EMC1: variants seen among roughly 807,000 people sequenced by gnomAD.
EMC1 encodes ER membrane protein complex subunit 1.
A neutral mutation model predicts 128.8 loss-of-function variants in EMC1; 103 were observed. That is an observed-to-expected ratio of 0.80 (90% CI 0.68 to 0.94). EMC1 has a LOEUF of 0.94. Among genes scored for constraint, EMC1 ranks in the 40% least tolerant of loss-of-function variants. EMC1 has a pLI of 0.00. For missense variants in EMC1, 1,083 were observed against 1,250.6 expected, an observed-to-expected ratio of 0.87 and a Z score of 2.02; for synonymous variants, 442 against 490.4, an observed-to-expected ratio of 0.90 and a Z score of 1.30.
chr1:19,242,495 G>A, intron 4 of EMC1, 22 bp from the exon 5 acceptor site: 1 of 1,613,896 alleles, frequency 6.2e-7, no homozygotes, highest in Non-Finnish European at 8.5e-7. Flanking sequence ...TACAGGTTGA[G>A]AGCAGCCCAC....
rs2093410716 is a variant in EMC1, at chr1:19,218,906, T to C, written c.*397A>G. On this transcript the variant is annotated 3_prime_UTR_variant, in exon 23 of 23. Coordinates refer to ENST00000477853, the MANE Select transcript of EMC1 (RefSeq NM_015047.3). ...AGAGATGGAAAAAGTCAGAAAGATTTCTAGATAAAATTGAGAAACACAAAA... is the reference window on the plus strand; with the variant it reads ...AGAGATGGAAAAAGTCAGAAAGATTCCTAGATAAAATTGAGAAACACAAAA... 1 of 170,018 alleles carries C rather than the reference T, an allele frequency of 5.9e-6. No individual in the cohort carries two copies. The highest frequency in any genetic ancestry group is 2.4e-5 in the African/African-American group (1 of 41,616). The allele number at this position is 170,018 out of a possible 1,614,324, so 10.5% of individuals were successfully genotyped here. A position where few individuals can be genotyped will look rare whatever the true frequency, so the allele number is the denominator to read the frequency against.
At chr1:19,250,150 G>A (rs771166527) in intron 1 of EMC1, among the ~76,000 whole-genome samples, 5 of 149,198 alleles carry the variant, frequency 3.4e-5, no homozygotes, top group Non-Finnish European at 5.9e-5. Context: ...CCCCAGAGGC[G>A]GAGGTTGTGG....
intron 9 of EMC1, 56 bp downstream of exon 9, chr1:19,239,175 C>T: frequency 2.0e-6 from 3 of 1,504,146 alleles, no homozygotes; most frequent in Non-Finnish European, 2.8e-6. Context: ...TTCAGGGTTC[C>T]TAGTGGAGAC....
intron 1 of EMC1, among the ~76,000 whole-genome samples, chr1:19,250,968 G>A (rs1188361163): frequency 1.3e-5 from 2 of 152,188 alleles, no homozygotes; most frequent in African/African-American, 2.4e-5. Context: ...GATGAGAGGG[G>A]AAAAGGACTC....
In EMC1 at chr1:19,238,071, C is replaced by T; in HGVS notation, c.1158G>A (p.Leu386=). Residue 386 remains leucine (L), a synonymous_variant, in exon 11 of 23, where the codon CTG becomes CTA. Coordinates refer to ENST00000477853, the MANE Select transcript of EMC1 (RefSeq NM_015047.3). ...GGCTAAATGTTATCGTGGTGTCCAG[C>T]AGCCGCCGACCTGTCTCCACGAGGT... ...NLYLVETGRR[L]LDTTITFSLE... is the part of the protein sequence containing the mutation. 1.2e-6 allele frequency: 2 copies of T among 1,614,120 alleles called. No individual in the cohort carries two copies. The highest frequency in any genetic ancestry group is 1.7e-6 in the Non-Finnish European group (2 of 1,180,018).
rs145741156 is a variant in EMC1, at chr1:19,223,510, G to A, written c.2262C>T (p.Arg754=). The A allele has an allele frequency of 3.5e-5, 56 of 1,614,156 alleles. No individual in the cohort carries two copies. The highest frequency in any genetic ancestry group is 3.3e-4 in the Middle Eastern group (2 of 6,060). ...CAATGAGGAAGATGCCAATAAAGGT[G>A]CGCTCATGGTGCGCGTCTGTGCTCT... is the stretch of plus-strand genomic sequence containing the variant. The part of the protein sequence containing the change: ...VTESTDAHHE[R]TFIGIFLIDG... The change falls in exon 19 of 23, where the codon CGC becomes CGT. Residue 754 remains arginine (R), a synonymous_variant. Transcript: ENST00000477853.
chr1:19,229,539 G>T (rs57420253), intron 17 of EMC1: 2 of 152,188 alleles, frequency 1.3e-5, no homozygotes, highest in African/African-American at 4.8e-5. Flanking sequence ...CCACACTCCA[G>T]TTCACTCCCC....
In EMC1 at chr1:19,242,957, G is replaced by T. The variant is rs540627771; in HGVS notation, c.381-484C>A. ...CCCTATCATTTGAACAACTTTAGGG[G>T]CCAGGCCCGGTGGCTCATGCCTGTA... is the stretch of plus-strand genomic sequence containing the variant. On this transcript the variant is annotated intron_variant, in intron 4 of 22. Transcript: ENST00000477853. 3.9e-5 allele frequency among the ~76,000 whole-genome samples: 6 copies of T among 152,332 alleles called. No individual in the cohort carries two copies. In the South Asian group the frequency reaches 1.2e-3, roughly 32 times the overall value.
Position 19,224,243 on chromosome 1 carries a change from G to A in EMC1, c.2203-674C>T, listed in dbSNP as rs571528145. The stretch of plus-strand genomic sequence containing the variant: ...ACACTTACCCTCGTGGTGATCTCAA[G>A]CCAATCTCATGGCTTGAACACCATT... On this transcript the variant is annotated intron_variant, in intron 18 of 22. Coordinates refer to ENST00000477853, the MANE Select transcript of EMC1 (RefSeq NM_015047.3). Among the ~76,000 whole-genome samples the A allele has an allele frequency of 5.9e-5, 9 of 152,244 alleles. No individual in the cohort carries two copies. The South Asian group carries it at 1.9e-3, about 32-fold the overall frequency.
Position 19,217,073 on chromosome 1 carries a change from C to T in EMC1, c.*2230G>A, listed in dbSNP as rs982855723. On this transcript the variant is annotated 3_prime_UTR_variant, in exon 23 of 23. Transcript: ENST00000477853. ...GAGAAGAGGTAAGTCAAGGAATACACACAAAAAACAAGGAATGACAAGAAA... is the reference window on the plus strand; with the variant it reads ...GAGAAGAGGTAAGTCAAGGAATACATACAAAAAACAAGGAATGACAAGAAA... 6.6e-6 allele frequency: 1 copy of T among 151,968 alleles called. No homozygotes were observed. Among genetic ancestry groups the T allele is most frequent in the Non-Finnish European group, 1.5e-5 (1 of 68,000 alleles). The allele number at this position is 151,968 out of a possible 1,614,324, so 9.4% of individuals were successfully genotyped here.
chr1:19,231,766 A>G (rs1199845192), intron 15 of EMC1, among the ~76,000 whole-genome samples: 2 of 152,124 alleles, frequency 1.3e-5, no homozygotes, highest in African/African-American at 4.8e-5. Flanking sequence ...GACTACAGGC[A>G]CAAACCACCA....
Position 19,240,275 on chromosome 1 carries a change from A to G in EMC1, c.786+22T>C, listed in dbSNP as rs780469901. On this transcript the variant is annotated intron_variant, in intron 7 of 22. Transcript: ENST00000477853. ...CCCGCAGGAAATGCCTCAGGCCAGA[A>G]GAAGCAGTGGCAGCCTCTCACCTGC... The G allele has an allele frequency of 6.2e-5, 100 of 1,613,964 alleles. No homozygotes were observed. In the Middle Eastern group the frequency reaches 6.6e-4, roughly 11 times the overall value.
intron 1 of EMC1, among the ~76,000 whole-genome samples, chr1:19,247,269 G>A (rs1572034305): frequency 6.6e-6 from 1 of 152,156 alleles, no homozygotes; most frequent in African/African-American, 2.4e-5. Context: ...GAACTCCTGG[G>A]CTCAAGTAAT....
intron 16 of EMC1, 97 bp from the exon 17 acceptor site, chr1:19,231,060 G>A (rs2093517577): frequency 6.7e-6 from 10 of 1,489,104 alleles, no homozygotes; most frequent in South Asian, 1.2e-5. Flanking sequence ...TTTGAACTCA[G>A]TTTAGGGTTT....
rs2093521578 is a variant in EMC1, at chr1:19,231,496, G to C, written c.1783-74C>G. The stretch of plus-strand genomic sequence containing the variant: ...TCCTAGGGATAGACCTGAAGAGCTG[G>C]GACTCCAGCTCAACAACTGTGGGGG... On this transcript the variant is annotated intron_variant, in intron 15 of 22. Transcript: ENST00000477853. The C allele has an allele frequency of 1.4e-5, 20 of 1,470,602 alleles. 1 individual carries two copies. In the South Asian group the frequency reaches 2.6e-4, roughly 19 times the overall value. 91.1% of individuals were successfully genotyped at this position (1,470,602 alleles called of 1,614,324 possible). A position where few individuals can be genotyped will look rare whatever the true frequency, so the allele number is the denominator to read the frequency against.
rs710865 is a variant in EMC1, at chr1:19,242,478, A to T, written c.381-5T>A. ...ACCAGCCCAAGTGCCTGGAAACTGA[A>T]CACAAGTACAGGTTGAGAGCAGCCC... On this transcript the variant is annotated splice_region_variant and splice_polypyrimidine_tract_variant and intron_variant, in intron 4 of 22. Transcript: ENST00000477853. 2.5e-6 allele frequency: 4 copies of T among 1,613,840 alleles called. No homozygotes were observed. Among genetic ancestry groups the T allele is most frequent in the Non-Finnish European group, 3.4e-6 (4 of 1,179,944 alleles).
intron 18 of EMC1, among the ~76,000 whole-genome samples, chr1:19,225,331 A>C (rs1310081620): frequency 6.6e-6 from 1 of 152,128 alleles, no homozygotes; most frequent in East Asian, 1.9e-4. Flanking sequence ...AATCTGAACA[A>C]CACAGCAAGA....
At chr1:19,227,995 C>T (rs1558096800) in intron 17 of EMC1, among the ~76,000 whole-genome samples, 3 of 152,104 alleles carry the variant, frequency 2.0e-5, no homozygotes, top group South Asian at 4.1e-4. Flanking sequence ...CACCTGAGGT[C>T]GGGAGTTTGA....
chr1:19,237,093 T>A, intron 12 of EMC1, 49 bp downstream of exon 12: 1 of 1,340,682 alleles, frequency 7.5e-7, no homozygotes, highest in South Asian at 1.2e-5. Context: ...TTGGAACACA[T>A]TGGAAGGCCT....
Sources: allele counts gnomAD v4.1 joint callset (sites outside exome capture counted in the v4.1 genomes callset), GRCh38; gene constraint gnomAD v4.1.1; transcripts MANE v1.5; gene names NCBI Gene and HGNC (gene_info 2026-07-23, HGNC 2026-07-21).